Variants in PAMR1 observed in about 807,000 individuals in gnomAD.
The protein encoded by PAMR1 is inactive serine protease PAMR1.
PAMR1 carries 88 observed loss-of-function variants against 81.8 expected under a neutral mutation model. The ratio of observed to expected loss-of-function variants is 1.08; its 90% CI spans 0.91 to 1.28. The LOEUF (loss-of-function observed/expected upper bound fraction) is 1.28, where lower values mean the gene tolerates loss of function less well. PAMR1 is among the 50% of genes most tolerant of loss of function. The probability of loss-of-function intolerance (pLI) is 0.00; values close to 1 mark genes in which losing one functional copy is unlikely to be tolerated. For synonymous variants in PAMR1, 336 were observed against 345.3 expected (o/e 0.97, Z 0.30); for missense variants, 935 against 919.7 (o/e 1.02, Z -0.21).
intron 1 of PAMR1, among the ~76,000 whole-genome samples, chr11:35,495,182 G>A (rs532062398): frequency 4.6e-5 from 7 of 152,126 alleles, no homozygotes; most frequent in East Asian, 3.9e-4. Context: ...GTTTTTCAGC[G>A]TGCCATTTTC....
chr11:35,463,973 GA>G (rs1340433149), intron 6 of PAMR1, among the ~76,000 whole-genome samples: 1 of 152,208 alleles, frequency 6.6e-6, no homozygotes, highest in African/African-American at 2.4e-5. Flanking sequence ...CCTAGTTTCT[GA>G]AATGCAGGTC....
At chr11:35,519,663 G>A (rs559458522) in intron 1 of PAMR1, among the ~76,000 whole-genome samples, 149 of 152,234 alleles carry the variant, frequency 9.8e-4, no homozygotes, top group African/African-American at 3.4e-3. Context: ...GTGCTACTGG[G>A]GCTGCTGATG....
chr11:35,485,860 GTCT>G (rs1165395791), intron 3 of PAMR1, among the ~76,000 whole-genome samples: 1 of 152,168 alleles, frequency 6.6e-6, no homozygotes, highest in African/African-American at 2.4e-5. Flanking sequence ...GGATAACGTT[GTCT>G]GAAAGGATCG....
intron 9 of PAMR1, among the ~76,000 whole-genome samples, chr11:35,435,029 T>G (rs1200337974): frequency 6.6e-6 from 1 of 152,202 alleles, no homozygotes; most frequent in Non-Finnish European, 1.5e-5. Context: ...ACCTGAGTTC[T>G]GATCCCAGGC....
intron 1 of PAMR1, among the ~76,000 whole-genome samples, chr11:35,520,559 G>A (rs1312665590): frequency 6.6e-6 from 1 of 152,092 alleles, no homozygotes; most frequent in African/African-American, 2.4e-5. Flanking sequence ...CTGGCCTCTG[G>A]GTTCTCTGCC....
intron 6 of PAMR1, among the ~76,000 whole-genome samples, chr11:35,455,845 C>T (rs1273954090): frequency 6.6e-6 from 1 of 151,380 alleles, no homozygotes; most frequent in African/African-American, 2.4e-5. Context: ...TCAAGATATT[C>T]TACTAAGGTG....
chr11:35,479,396 T>A (rs1850341212), intron 3 of PAMR1, among the ~76,000 whole-genome samples: 1 of 152,242 alleles, frequency 6.6e-6, no homozygotes, highest in Non-Finnish European at 1.5e-5. Flanking sequence ...CAACAATGTG[T>A]TTTTCTCACT....
At chr11:35,527,680 G>A (rs1460806985), upstream of PAMR1, among the ~76,000 whole-genome samples, 7 of 152,164 alleles carry the variant, frequency 4.6e-5, no homozygotes, top group Non-Finnish European at 1.0e-4. Context: ...AGGCATAAGA[G>A]CCTCTCAGGA....
At chr11:35,439,112 C>T (rs1157173355) in intron 8 of PAMR1, among the ~76,000 whole-genome samples, 5 of 152,168 alleles carry the variant, frequency 3.3e-5, no homozygotes, top group Admixed American at 1.3e-4. Flanking sequence ...GTGGACCCCA[C>T]CTTTGTCTTC....
intron 1 of PAMR1, among the ~76,000 whole-genome samples, chr11:35,515,883 G>A (rs1488610245): frequency 6.6e-6 from 1 of 152,008 alleles, no homozygotes; most frequent in Non-Finnish European, 1.5e-5. Flanking sequence ...GAATAGAATG[G>A]GACTTTGGCC....
At chr11:35,504,384 C>T (rs1278149241) in intron 1 of PAMR1, among the ~76,000 whole-genome samples, 1 of 152,100 alleles carries the variant, frequency 6.6e-6, no homozygotes, top group African/African-American at 2.4e-5. Context: ...TAGGGCAATG[C>T]TAGCCTCATA....
At chr11:35,462,792 CA>C (rs1275902703) in intron 6 of PAMR1, among the ~76,000 whole-genome samples, 1 of 152,138 alleles carries the variant, frequency 6.6e-6, no homozygotes, top group Non-Finnish European at 1.5e-5. Context: ...ATGACTCGCT[CA>C]AGACCACCTG....
chr11:35,517,044 C>A (rs589475), intron 1 of PAMR1, among the ~76,000 whole-genome samples: 2 of 151,900 alleles, frequency 1.3e-5, no homozygotes, highest in Admixed American at 1.3e-4. Flanking sequence ...TGTAGACTGA[C>A]GATAATTGTA....
Position 35,434,608 on chromosome 11 carries a change from C to T in PAMR1, c.1530G>A (p.Gly510=). The T allele has an allele frequency of 6.2e-7, 1 of 1,614,048 alleles. No homozygotes were observed. The highest frequency in any genetic ancestry group is 8.5e-7 in the Non-Finnish European group (1 of 1,179,980). Residue 510 remains glycine (G), a synonymous_variant, in exon 10 of 11, where the codon GGG becomes GGA. Transcript: ENST00000619888. ...VVAAHCVTDL[G]KVTMIKTADL... ...CTGCTGTCTTGATCATGGTGACCTT[C>T]CCCAGGTCAGTAACACAGTGGGCAG...
intron 8 of PAMR1, among the ~76,000 whole-genome samples, chr11:35,438,452 A>G (rs944169827): frequency 2.6e-5 from 4 of 152,206 alleles, no homozygotes; most frequent in African/African-American, 9.7e-5. Context: ...TATGATTATA[A>G]CTACTTTTCA....
intron 1 of PAMR1, among the ~76,000 whole-genome samples, chr11:35,524,798 T>G (rs1209170991): frequency 2.0e-5 from 3 of 152,226 alleles, no homozygotes; most frequent in Non-Finnish European, 4.4e-5. Context: ...CAGCCTCATT[T>G]GTCCCCAGAA....
intron 1 of PAMR1, among the ~76,000 whole-genome samples, chr11:35,501,342 A>G (rs1369492569): frequency 6.6e-6 from 1 of 151,838 alleles, no homozygotes; most frequent in Non-Finnish European, 1.5e-5. Flanking sequence ...CATGTGGCCC[A>G]GGCTGGTTTT....
At chr11:35,451,785 A>T in intron 6 of PAMR1, 1 of 572,094 alleles carries the variant, frequency 1.7e-6, no homozygotes, top group Non-Finnish European at 3.1e-6. Context: ...GCCCTCATGA[A>T]CGAGATTAGT....
chr11:35,438,883 T>C (rs1369883534), intron 8 of PAMR1, among the ~76,000 whole-genome samples: 1 of 152,152 alleles, frequency 6.6e-6, no homozygotes, highest in Non-Finnish European at 1.5e-5. Flanking sequence ...CTCTCTCTGT[T>C]AGGCAAAAAC....
Sources: gnomAD v4.1 joint callset for allele counts (sites outside exome capture counted in the v4.1 genomes callset) on GRCh38, gnomAD v4.1.1 for gene constraint, MANE v1.5 for transcripts, NCBI Gene and HGNC (gene_info 2026-07-23, HGNC 2026-07-21) for gene names.